The following CACNA2D3 variants were observed in gnomAD, a reference collection of about 807,000 sequenced individuals.
The protein encoded by CACNA2D3 is calcium voltage-gated channel auxiliary subunit alpha2delta 3, also known as voltage-dependent calcium channel subunit alpha-2/delta-3.
CACNA2D3 carries 60 observed loss-of-function variants against 160.6 expected under a neutral mutation model. That is an observed-to-expected ratio of 0.37 (90% confidence interval 0.30 to 0.46). CACNA2D3 has a LOEUF of 0.46. CACNA2D3 is among the 20% of genes least tolerant of loss of function. The pLI is 1.00. For missense variants in CACNA2D3, 1,205 were observed against 1,365.0 expected (o/e 0.88, Z 1.85); for synonymous variants, 558 against 492.9 (o/e 1.13, Z -1.75).
chr3:54,873,457 G>A (rs1243950800), intron 18 of CACNA2D3, among the ~76,000 whole-genome samples: 5 of 152,004 alleles, frequency 3.3e-5, no homozygotes, highest in Non-Finnish European at 7.4e-5. Flanking sequence ...TACTTGAAGA[G>A]ATGTATGACT....
intron 31 of CACNA2D3, among the ~76,000 whole-genome samples, chr3:55,003,980 G>A (rs1024951646): frequency 5.3e-5 from 8 of 152,152 alleles, no homozygotes; most frequent in Non-Finnish European, 5.9e-5. Flanking sequence ...ATATTTTGGC[G>A]TAATGGTTTC....
chr3:54,667,132 C>T (rs1387257334), intron 11 of CACNA2D3, among the ~76,000 whole-genome samples: 1 of 152,182 alleles, frequency 6.6e-6, no homozygotes, highest in African/African-American at 2.4e-5. Flanking sequence ...TATATTCTGG[C>T]TGGCACAGTA....
intron 4 of CACNA2D3, among the ~76,000 whole-genome samples, chr3:54,480,060 G>A (rs72975093): frequency 0.018 from 2,764 of 152,072 alleles, 88 homozygotes; most frequent in African/African-American, 0.064. Context: ...CACACAAGTC[G>A]AATCTGTAAT....
chr3:54,734,240 T>G (rs1045350882), intron 11 of CACNA2D3, among the ~76,000 whole-genome samples: 1 of 152,194 alleles, frequency 6.6e-6, no homozygotes, highest in Non-Finnish European at 1.5e-5. Flanking sequence ...CTGAGGACAC[T>G]AAGTCATTCT....
At chr3:54,151,103 G>GT (rs1700142518) in intron 2 of CACNA2D3, among the ~76,000 whole-genome samples, 1 of 151,134 alleles carries the variant, frequency 6.6e-6, no homozygotes, top group Non-Finnish European at 1.5e-5. Context: ...GCATTAATGG[G>GT]TGGATGGGTG....
At chr3:54,886,894 T>C (rs1266167241) in intron 23 of CACNA2D3, among the ~76,000 whole-genome samples, 1 of 151,610 alleles carries the variant, frequency 6.6e-6, no homozygotes, top group Non-Finnish European at 1.5e-5. Flanking sequence ...TTCATTGTCT[T>C]ACTGATAAGT....
rs146889109 is a variant in CACNA2D3 at position 54,527,062 on chromosome 3, A to G, written c.544+23408A>G. ...TGCCGTGGGGCATGAATTGCTCCAC[A>G]GTCTGCTTTGATCAAATCCTTGCTC... On this transcript the variant is annotated intron_variant, in intron 5 of 37. Coordinates refer to ENST00000474759, the MANE Select transcript of CACNA2D3 (RefSeq NM_018398.3). Among the ~76,000 whole-genome samples, 3 of 152,348 alleles carry G rather than the reference A, an allele frequency of 2.0e-5. No individual in the cohort carries two copies. The East Asian group carries it at 5.8e-4, about 29-fold the overall frequency.
chr3:54,476,581 T>G (rs1487991334), intron 4 of CACNA2D3, among the ~76,000 whole-genome samples: 1 of 152,164 alleles, frequency 6.6e-6, no homozygotes, highest in Non-Finnish European at 1.5e-5. Flanking sequence ...ACCTTTTGAC[T>G]TTTTGATAAT....
chr3:54,327,226 C>T (rs1453177814), intron 3 of CACNA2D3, among the ~76,000 whole-genome samples: 2 of 152,220 alleles, frequency 1.3e-5, no homozygotes, highest in African/African-American at 4.8e-5. Flanking sequence ...GACTGCTGTC[C>T]CTCCCACGTT....
At chr3:54,821,693 TTTCTTTCC>T (rs1703603271) in intron 14 of CACNA2D3, among the ~76,000 whole-genome samples, 2 of 36,132 alleles carry the variant, frequency 5.5e-5, no homozygotes, top group South Asian at 6.5e-4. Context: ...TCTTTCTTTC[TTTCTTTCC>T]TTCCTTCCTT....
intron 13 of CACNA2D3, among the ~76,000 whole-genome samples, chr3:54,800,733 T>C (rs1017703908): frequency 3.9e-5 from 6 of 152,178 alleles, no homozygotes; most frequent in Non-Finnish European, 8.8e-5. Context: ...GGCAGGGCTG[T>C]ACTACTAGAA....
At chr3:55,032,456 C>T (rs1002859475) in intron 35 of CACNA2D3, among the ~76,000 whole-genome samples, 6 of 152,156 alleles carry the variant, frequency 3.9e-5, no homozygotes, top group Non-Finnish European at 7.3e-5. Context: ...ATTAGGTGTA[C>T]CCAGGGGTTC....
chr3:54,886,605 G>C (rs190145481), intron 23 of CACNA2D3, among the ~76,000 whole-genome samples: 1 of 152,050 alleles, frequency 6.6e-6, no homozygotes, highest in East Asian at 1.9e-4. Flanking sequence ...ATGACCTTCT[G>C]TATTTGTTCA....
intron 4 of CACNA2D3, among the ~76,000 whole-genome samples, chr3:54,449,083 T>C (rs1012358339): frequency 1.3e-5 from 2 of 152,200 alleles, no homozygotes; most frequent in Non-Finnish European, 2.9e-5. Flanking sequence ...CATTGAACTG[T>C]AGTTTTGAAT....
Position 54,503,570 on chromosome 3 carries a change from T to C in CACNA2D3, c.460T>C (p.Leu154=). ...TTTGGAGCTGGGAAAGGAATTCATCTTAGCCCCAAATGACCATTTTAATAA... is the reference window on the plus strand; with the variant it reads ...TTTGGAGCTGGGAAAGGAATTCATCCTAGCCCCAAATGACCATTTTAATAA... ...NFLELGKEFI[L]APNDHFNNLP... Residue 154 remains leucine, a synonymous_variant, in exon 5 of 38, where the codon TTA becomes CTA. Coordinates refer to ENST00000474759, the MANE Select transcript of CACNA2D3 (RefSeq NM_018398.3). The C allele has an allele frequency of 6.2e-7, 1 of 1,613,652 alleles. No homozygotes were observed. The highest frequency in any genetic ancestry group is 8.5e-7 in the Non-Finnish European group (1 of 1,179,542).
chr3:54,549,617 C>T (rs1244879901), intron 5 of CACNA2D3, among the ~76,000 whole-genome samples: 1 of 152,206 alleles, frequency 6.6e-6, no homozygotes, highest in Non-Finnish European at 1.5e-5. Flanking sequence ...TCCTTTCCCA[C>T]AGCCCTCTGC....
intron 2 of CACNA2D3, among the ~76,000 whole-genome samples, chr3:54,127,264 C>T (rs563152357): frequency 9.8e-5 from 15 of 152,310 alleles, no homozygotes; most frequent in Admixed American, 2.6e-4. Flanking sequence ...TTACCTTGGA[C>T]GCCTCATGGA....
At chr3:54,766,425 T>C (rs1433692871) in intron 13 of CACNA2D3, among the ~76,000 whole-genome samples, 2 of 152,222 alleles carry the variant, frequency 1.3e-5, no homozygotes, top group Non-Finnish European at 2.9e-5. Flanking sequence ...AGATACCATT[T>C]CACACCCATC....
chr3:54,465,570 T>A (rs1259389976), intron 4 of CACNA2D3, among the ~76,000 whole-genome samples: 5 of 152,176 alleles, frequency 3.3e-5, no homozygotes, highest in Non-Finnish European at 5.9e-5. Flanking sequence ...ACTGTACTCT[T>A]GGTTTATGTT....
Sources: gnomAD v4.1 joint callset for allele counts (sites outside exome capture counted in the v4.1 genomes callset) on GRCh38, gnomAD v4.1.1 for gene constraint, MANE v1.5 for transcripts, NCBI Gene and HGNC (gene_info 2026-07-23, HGNC 2026-07-21) for gene names.